Variants in CEP104 observed in about 807,000 individuals in gnomAD.
CEP104 encodes centrosomal protein of 104 kDa.
In CEP104, 84 loss-of-function variants were observed where a neutral mutation model predicts 113.3. The ratio of observed to expected loss-of-function variants is 0.74; its 90% CI spans 0.62 to 0.89. CEP104 has a LOEUF of 0.89. Among genes scored for constraint, CEP104 ranks in the 40% least tolerant of loss-of-function variants. The pLI is 0.00. For synonymous variants in CEP104, 378 were observed against 421.7 expected, an observed-to-expected ratio of 0.90 and a Z score of 1.27; for missense variants, 1,053 against 1,156.6, an observed-to-expected ratio of 0.91 and a Z score of 1.30.
intron 20 of CEP104, chr1:3,822,966 T>C: frequency 1.7e-6 from 1 of 594,662 alleles, no homozygotes; most frequent in Non-Finnish European, 3.0e-6. Context: ...GATAAACCAT[T>C]CATAAATGTA....
At chr1:3,843,803 C>T (rs1481072914) in intron 6 of CEP104, among the ~76,000 whole-genome samples, 1 of 151,854 alleles carries the variant, frequency 6.6e-6, no homozygotes, top group Non-Finnish European at 1.5e-5. Context: ...GCTCTATCGC[C>T]CAGGTTGGAG....
At chr1:3,838,913 A>C in intron 8 of CEP104, 51 bp downstream of exon 8, 2 of 1,597,116 alleles carry the variant, frequency 1.3e-6, no homozygotes, top group Middle Eastern at 1.7e-4. Flanking sequence ...ACACAGTTGA[A>C]TCTCTGTTCT....
chr1:3,823,525 G>A lies in CEP104; in HGVS notation c.2402C>T (p.Thr801Met), dbSNP rs200311838. Residue 801 changes from threonine to methionine, a missense_variant, in exon 19 of 22, where the codon ACG (threonine) becomes ATG (methionine). Thr to Met is a moderately conservative substitution (Grantham distance 81). Coordinates refer to ENST00000378230, the MANE Select transcript of CEP104 (RefSeq NM_014704.4). This position sits in a 1 kb window ranked among gnomAD's most constrained non-coding sequence, Gnocchi z 4.1. Reference protein sequence around the residue: ...EISSLTEHLLTECDKKDGFGK... With the variant: ...EISSLTEHLLMECDKKDGFGK... ...AAACCCGTCTTTTTTGTCACATTCC[G>A]TCAGCAAGTGCTCCGTCAGACTGGA... 14 of 1,614,170 alleles carry A rather than the reference G, an allele frequency of 8.7e-6. No individual in the cohort carries two copies. The Admixed American group carries it at 1.0e-4, about 12-fold the overall frequency.
Position 3,814,501 on chromosome 1 carries a change from G to A in CEP104, c.*901C>T, listed in dbSNP as rs1202689067. On this transcript the variant is annotated 3_prime_UTR_variant, in exon 22 of 22. Transcript: ENST00000378230. ...TCCAATCACAACATGGATGTGGAAG[G>A]GGCGGGAGGCCCATACCAGTGGGCT... 6.6e-6 allele frequency: 1 copy of A among 152,256 alleles called. No individual in the cohort carries two copies. The highest frequency in any genetic ancestry group is 1.5e-5 in the Non-Finnish European group (1 of 68,052). The allele number at this position is 152,256 out of a possible 1,614,324, so 9.4% of individuals were successfully genotyped here. A position where few individuals can be genotyped will look rare whatever the true frequency, so the allele number is the denominator to read the frequency against.
At chr1:3,853,404 G>GA (rs1644653763) in intron 1 of CEP104, among the ~76,000 whole-genome samples, 1 of 141,854 alleles carries the variant, frequency 7.0e-6, no homozygotes, top group African/African-American at 2.5e-5. Context: ...AATCATCGGG[G>GA]GAAAAAAAAA....
At chr1:3,842,868 A>C (rs945896572) in intron 6 of CEP104, among the ~76,000 whole-genome samples, 3 of 151,716 alleles carry the variant, frequency 2.0e-5, no homozygotes, top group African/African-American at 7.3e-5. Flanking sequence ...GCTCACTGCA[A>C]CCTCCACCTC....
At position 3,815,119 on chromosome 1, in the gene CEP104, G is replaced by A; in HGVS notation, c.*283C>T. The A allele has an allele frequency of 2.3e-6, 1 of 430,226 alleles. No individual in the cohort carries two copies. Among genetic ancestry groups the A allele is most frequent in the Non-Finnish European group, 4.2e-6 (1 of 238,228 alleles). The allele number at this position is 430,226 out of a possible 1,614,324, so 26.7% of individuals were successfully genotyped here. ...GGTGCTCTCTGGCTCTCTCCAAACA[G>A]GACGCTTCCTTCTCTGATTCTAAGG... is the stretch of plus-strand genomic sequence containing the variant. On this transcript the variant is annotated 3_prime_UTR_variant, in exon 22 of 22. Coordinates refer to ENST00000378230, the MANE Select transcript of CEP104 (RefSeq NM_014704.4).
At chr1:3,824,002 T>G (rs1443996252) in intron 18 of CEP104, among the ~76,000 whole-genome samples, 1 of 152,238 alleles carries the variant, frequency 6.6e-6, no homozygotes, top group East Asian at 1.9e-4. Flanking sequence ...GAATGACTTG[T>G]ATATACTCTA....
intron 1 of CEP104, among the ~76,000 whole-genome samples, chr1:3,854,784 C>T (rs4648424): frequency 0.37 from 55,476 of 150,928 alleles, 12,377 homozygotes; most frequent in African/African-American, 0.64. Context: ...AGGCCCCTTT[C>T]ATCATCTTTC....
intron 20 of CEP104, among the ~76,000 whole-genome samples, chr1:3,817,606 T>C (rs1643899701): frequency 6.6e-6 from 1 of 152,146 alleles, no homozygotes; most frequent in African/African-American, 2.4e-5. Context: ...TTCGTGTCCC[T>C]AAAGCTGGGG....
intron 20 of CEP104, among the ~76,000 whole-genome samples, chr1:3,822,005 G>C (rs890999905): frequency 1.3e-5 from 2 of 152,198 alleles, no homozygotes; most frequent in Admixed American, 6.5e-5. Context: ...AAGAAGTCCC[G>C]ATTCCGAAAG....
At chr1:3,845,109 C>T in intron 5 of CEP104, 126 bp from the exon 6 acceptor site, 4 of 901,300 alleles carry the variant, frequency 4.4e-6, no homozygotes, top group South Asian at 1.5e-5. Flanking sequence ...TTTGGAGAGA[C>T]AGCTAAAACT....
intron 9 of CEP104, 79 bp downstream of exon 9, chr1:3,837,213 G>A (rs1644330867): frequency 1.6e-6 from 2 of 1,221,892 alleles, no homozygotes; most frequent in African/African-American, 1.5e-5. Context: ...CCCATGCATG[G>A]GAACAGCACC....
chr1:3,855,274 C>T (rs536464460), intron 1 of CEP104, among the ~76,000 whole-genome samples: 23 of 150,366 alleles, frequency 1.5e-4, no homozygotes, highest in African/African-American at 2.0e-4. Flanking sequence ...CATGAACTCT[C>T]GGGCTCAAAT....
rs1644750735 is a variant in CEP104, at chr1:3,857,065, C to G, written c.-191G>C. The stretch of plus-strand genomic sequence containing the variant: ...CCTCGGCAGCCGCCGCTTCCTCAGA[C>G]GGAACTCGGGGGGCGCCCCTTCCGC... On this transcript the variant is annotated 5_prime_UTR_variant, in exon 1 of 22. Transcript: ENST00000378230. The G allele has an allele frequency of 6.6e-6, 1 of 152,254 alleles. No homozygotes were observed. The highest frequency in any genetic ancestry group is 6.5e-5 in the Admixed American group (1 of 15,288). 9.4% of individuals were successfully genotyped at this position (152,254 alleles called of 1,614,324 possible).
chr1:3,847,186 G>T (rs1644522781), intron 4 of CEP104, among the ~76,000 whole-genome samples: 1 of 152,176 alleles, frequency 6.6e-6, no homozygotes. Context: ...TGACATAAAA[G>T]TTCTCATGAA....
At chr1:3,836,116 G>C (rs981496734) in intron 10 of CEP104, among the ~76,000 whole-genome samples, 2 of 151,938 alleles carry the variant, frequency 1.3e-5, no homozygotes, top group Non-Finnish European at 2.9e-5. Flanking sequence ...CCTGGCTAAC[G>C]TGGTGAAACT....
At chr1:3,852,911 C>CCAAGGAT (rs1553165990) in intron 1 of CEP104, among the ~76,000 whole-genome samples, 3 of 102,066 alleles carry the variant, frequency 2.9e-5, no homozygotes, top group Non-Finnish European at 7.7e-5. Context: ...CGGCCAAGGA[C>CCAAGGAT]GGCTGAGGAT....
chr1:3,821,974 G>A (rs1643983604), intron 20 of CEP104, among the ~76,000 whole-genome samples: 1 of 152,238 alleles, frequency 6.6e-6, no homozygotes, highest in Admixed American at 6.5e-5. Context: ...GGAAGGCTGA[G>A]GCTGCTGCTG....
Sources: gnomAD v4.1 joint callset for allele counts (sites outside exome capture counted in the v4.1 genomes callset) on GRCh38, gnomAD v4.1.1 for gene constraint, Gnocchi (gnomAD v3.1) non-coding constraint, MANE v1.5 for transcripts, NCBI Gene and HGNC (gene_info 2026-07-23, HGNC 2026-07-21) for gene names.